The following B3GAT2 variants were observed in gnomAD, a reference collection of about 807,000 sequenced individuals.
The protein encoded by B3GAT2 is galactosylgalactosylxylosylprotein 3-beta-glucuronosyltransferase 2.
A neutral mutation model predicts 27.8 loss-of-function variants in B3GAT2; 26 were observed. The observed-to-expected ratio is 0.93, with a 90% confidence interval of 0.68 to 1.30. The LOEUF (loss-of-function observed/expected upper bound fraction) is 1.30, where lower values mean the gene tolerates loss of function less well. Among genes scored for constraint, B3GAT2 ranks in the 50% most tolerant of loss-of-function variants. The pLI, the probability that B3GAT2 is intolerant of heterozygous loss-of-function variation, is 0.00. For missense variants in B3GAT2, 458 were observed against 459.0 expected, an observed-to-expected ratio of 1.00 and a Z score of 0.02; for synonymous variants, 218 against 195.1, an observed-to-expected ratio of 1.12 and a Z score of -0.98.
chr6:70,954,188 T>C (rs370576187), intron 1 of B3GAT2, among the ~76,000 whole-genome samples: 6 of 152,204 alleles, frequency 3.9e-5, no homozygotes, highest in Admixed American at 6.5e-5. Flanking sequence ...TGCATTGAAA[T>C]GTACAGTCTT....
At chr6:70,917,074 G>C (rs781701591) in intron 1 of B3GAT2, among the ~76,000 whole-genome samples, 95 of 152,286 alleles carry the variant, frequency 6.2e-4, no homozygotes, top group Non-Finnish European at 1.1e-3. Flanking sequence ...CTCAATTTCA[G>C]AAGCTGTCAC....
rs1218795876 is a variant in B3GAT2, at chr6:70,859,851, A to G, written c.*1812T>C. 1.1e-5 allele frequency: 2 copies of G among 190,390 alleles called. No homozygotes were observed. Among genetic ancestry groups the G allele is most frequent in the African/African-American group, 4.7e-5 (2 of 42,824 alleles). 11.8% of individuals were successfully genotyped at this position (190,390 alleles called of 1,614,324 possible). On this transcript the variant is annotated 3_prime_UTR_variant, in exon 4 of 4. Coordinates refer to ENST00000230053, the MANE Select transcript of B3GAT2 (RefSeq NM_080742.3). The stretch of plus-strand genomic sequence containing the variant: ...TACAAAGTTTATAGGATAATTTTAG[A>G]CTATTTTACTTCCTAAAATTTTCTT...
intron 2 of B3GAT2, among the ~76,000 whole-genome samples, chr6:70,862,228 C>G (rs1038202325): frequency 9.2e-5 from 14 of 152,058 alleles, no homozygotes; most frequent in African/African-American, 3.4e-4. Context: ...GAAGTTTAGT[C>G]TGTTGATAAT....
chr6:70,949,382 C>A (rs1466603102), intron 1 of B3GAT2, among the ~76,000 whole-genome samples: 8 of 152,278 alleles, frequency 5.3e-5, no homozygotes, highest in African/African-American at 1.9e-4. Flanking sequence ...ACCCCATCAA[C>A]AAGTGGGTGA....
At chr6:70,871,051 T>C (rs968765967) in intron 2 of B3GAT2, among the ~76,000 whole-genome samples, 8 of 152,108 alleles carry the variant, frequency 5.3e-5, no homozygotes, top group Non-Finnish European at 7.4e-5. Flanking sequence ...TGTGTTACAT[T>C]GATTTACTTT....
In B3GAT2 at chr6:70,859,108, T is replaced by C. The variant is rs1771577550; in HGVS notation, c.*2555A>G. 2.4e-6 allele frequency: 1 copy of C among 420,436 alleles called. No homozygotes were observed. The highest frequency in any genetic ancestry group is 2.0e-5 in the African/African-American group (1 of 49,232). The allele number at this position is 420,436 out of a possible 1,614,324, so 26.0% of individuals were successfully genotyped here. A position where few individuals can be genotyped will look rare whatever the true frequency, so the allele number is the denominator to read the frequency against. On this transcript the variant is annotated 3_prime_UTR_variant, in exon 4 of 4. Transcript: ENST00000230053. ...CCTTTAGAGCATTCAGGGAATAGTC[T>C]AGAGTGATTTCTAACATTAGCACAA...
chr6:70,860,005 T>C lies in B3GAT2; in HGVS notation c.*1658A>G, dbSNP rs765372727. ...AGTTGTGGTTAATCTTTGGGGAAAC[T>C]GTATCTAGAAAGTAGATAAAGAAGG... On this transcript the variant is annotated 3_prime_UTR_variant, in exon 4 of 4. Transcript: ENST00000230053. 1.8e-5 allele frequency: 9 copies of C among 506,908 alleles called. No homozygotes were observed. Among genetic ancestry groups the C allele is most frequent in the Non-Finnish European group, 2.2e-5 (7 of 313,352 alleles). 31.4% of individuals were successfully genotyped at this position (506,908 alleles called of 1,614,324 possible). A position where few individuals can be genotyped will look rare whatever the true frequency, so the allele number is the denominator to read the frequency against.
At chr6:70,899,356 A>G (rs1432477002) in intron 1 of B3GAT2, among the ~76,000 whole-genome samples, 1 of 152,190 alleles carries the variant, frequency 6.6e-6, no homozygotes, top group Non-Finnish European at 1.5e-5. Flanking sequence ...CAAAGAAGCA[A>G]AACTTTGCAT....
At position 70,938,452 on chromosome 6, in the gene B3GAT2, C is replaced by G. The variant is rs1430106950; in HGVS notation, c.591+17387G>C. ...AAAGAGCCCACATCGTCAAGTCAAT[C>G]CTAAGCCAAAAGAACAAAGCTGGAG... On this transcript the variant is annotated intron_variant, in intron 1 of 3. Coordinates refer to ENST00000230053, the MANE Select transcript of B3GAT2 (RefSeq NM_080742.3). 3.9e-5 allele frequency among the ~76,000 whole-genome samples: 6 copies of G among 152,088 alleles called. No individual in the cohort carries two copies. In the East Asian group the frequency reaches 7.7e-4, roughly 20 times the overall value.
In B3GAT2 at chr6:70,857,072, G is replaced by A. The variant is rs201417631; in HGVS notation, c.*4591C>T. On this transcript the variant is annotated 3_prime_UTR_variant, in exon 4 of 4. Coordinates refer to ENST00000230053, the MANE Select transcript of B3GAT2 (RefSeq NM_080742.3). The stretch of plus-strand genomic sequence containing the variant: ...TCTGCTTTCAGTGACATTACTAGAA[G>A]TACATCCTTTGTAATTATATAATAA... The A allele has an allele frequency of 7.2e-6, 11 of 1,522,810 alleles. No homozygotes were observed. Among genetic ancestry groups the A allele is most frequent in the African/African-American group, 6.9e-5 (5 of 72,426 alleles). The allele number at this position is 1,522,810 out of a possible 1,614,324, so 94.3% of individuals were successfully genotyped here.
intron 1 of B3GAT2, among the ~76,000 whole-genome samples, chr6:70,902,637 T>TATATATATATATATAC (rs1491331231): frequency 7.5e-6 from 1 of 133,424 alleles, no homozygotes; most frequent in East Asian, 2.4e-4. Flanking sequence ...TATATATATA[T>TATATATATATATATAC]ACACACACAC....
At position 70,935,283 on chromosome 6, in the gene B3GAT2, C is replaced by CA. The variant is rs201831289; in HGVS notation, c.591+20555dup. ...AAACATAGGAGGACCCTGTCTCTAC[C>CA]AAAAAAAAATAAAAATAAAAATTAG... On this transcript the variant is annotated intron_variant, in intron 1 of 3. Coordinates refer to ENST00000230053, the MANE Select transcript of B3GAT2 (RefSeq NM_080742.3). Among the ~76,000 whole-genome samples, 1,127 of 149,180 alleles carry CA rather than the reference C, an allele frequency of 7.6e-3. 15 individuals carry two copies. The highest frequency in any genetic ancestry group is 0.026 in the African/African-American group (1,067 of 40,590).
chr6:70,915,323 A>G (rs1371348981), intron 1 of B3GAT2, among the ~76,000 whole-genome samples: 4 of 152,022 alleles, frequency 2.6e-5, no homozygotes, highest in African/African-American at 7.2e-5. Flanking sequence ...TCAGATGGAT[A>G]GATTGAAAAA....
chr6:70,946,211 C>T (rs913702787), intron 1 of B3GAT2, among the ~76,000 whole-genome samples: 54 of 152,172 alleles, frequency 3.5e-4, no homozygotes, highest in Non-Finnish European at 6.0e-4. Context: ...GGATCAAATT[C>T]ACACATAACA....
At chr6:70,872,260 T>A (rs1771949620) in intron 2 of B3GAT2, among the ~76,000 whole-genome samples, 1 of 151,914 alleles carries the variant, frequency 6.6e-6, no homozygotes, top group South Asian at 2.1e-4. Context: ...ATCTATCTAG[T>A]TGTTCTGTCT....
At chr6:70,934,420 C>T (rs1773109684) in intron 1 of B3GAT2, among the ~76,000 whole-genome samples, 1 of 148,060 alleles carries the variant, frequency 6.8e-6, no homozygotes, top group Admixed American at 6.8e-5. Context: ...TGACTGCTCA[C>T]CCATCCTGTA....
chr6:70,860,347 A>G lies in B3GAT2; in HGVS notation c.*1316T>C. On this transcript the variant is annotated 3_prime_UTR_variant, in exon 4 of 4. Coordinates refer to ENST00000230053, the MANE Select transcript of B3GAT2 (RefSeq NM_080742.3). ...ACTGTGGAAATGAAAACTGCAATAC[A>G]AGTTTCATCCAGAACTACCACCTGA... 4 of 1,600,776 alleles carry G rather than the reference A, an allele frequency of 2.5e-6. No homozygotes were observed. The highest frequency in any genetic ancestry group is 1.1e-5 in the South Asian group (1 of 88,382).
chr6:70,901,394 G>C (rs922211246), intron 1 of B3GAT2, among the ~76,000 whole-genome samples: 1 of 152,140 alleles, frequency 6.6e-6, no homozygotes, highest in Non-Finnish European at 1.5e-5. Context: ...CTGATTCTAG[G>C]ACTGGGATGG....
intron 1 of B3GAT2, among the ~76,000 whole-genome samples, chr6:70,922,781 A>G (rs1323637082): frequency 6.6e-6 from 1 of 152,160 alleles, no homozygotes; most frequent in African/African-American, 2.4e-5. Flanking sequence ...AGAAGAGAAA[A>G]TTAAACCAAA....
Sources: gnomAD v4.1 joint callset for allele counts (sites outside exome capture counted in the v4.1 genomes callset) on GRCh38, gnomAD v4.1.1 for gene constraint, MANE v1.5 for transcripts, NCBI Gene and HGNC (gene_info 2026-07-23, HGNC 2026-07-21) for gene names.